Variants in PIP5K1B observed in about 807,000 individuals in gnomAD.
PIP5K1B encodes phosphatidylinositol 4-phosphate 5-kinase type-1 beta.
In PIP5K1B, 42 loss-of-function variants were observed where a neutral mutation model predicts 67.0. The observed-to-expected ratio is 0.63, with a 90% CI of 0.49 to 0.81. PIP5K1B has a LOEUF of 0.81. Among genes scored for constraint, PIP5K1B ranks in the 30% least tolerant of loss-of-function variants. PIP5K1B has a pLI of 0.00. For synonymous variants in PIP5K1B, 214 were observed against 231.4 expected (o/e 0.92, Z 0.68); for missense variants, 459 against 646.3 (o/e 0.71, Z 3.14).
intron 13 of PIP5K1B, among the ~76,000 whole-genome samples, chr9:68,936,435 T>G (rs992228938): frequency 2.0e-5 from 3 of 152,090 alleles, no homozygotes; most frequent in African/African-American, 7.2e-5. Context: ...ATCTGCCAAG[T>G]TAATCATTTG....
intron 5 of PIP5K1B, among the ~76,000 whole-genome samples, chr9:68,864,887 A>C (rs1051368324): frequency 1.3e-5 from 2 of 152,222 alleles, no homozygotes; most frequent in Non-Finnish European, 2.9e-5. Flanking sequence ...ACATAGCTAA[A>C]GTGACACTTT....
chr9:68,924,351 G>A (rs1328349897), intron 12 of PIP5K1B, among the ~76,000 whole-genome samples: 12 of 135,636 alleles, frequency 8.8e-5, no homozygotes, highest in East Asian at 2.3e-4. Flanking sequence ...GCAGTGAGCC[G>A]AGATCATGCC....
At chr9:68,947,524 G>A (rs1443406375) in intron 14 of PIP5K1B, among the ~76,000 whole-genome samples, 1 of 152,210 alleles carries the variant, frequency 6.6e-6, no homozygotes, top group Non-Finnish European at 1.5e-5. Context: ...GCAAAGTAGA[G>A]TTGAGATAGG....
intron 13 of PIP5K1B, among the ~76,000 whole-genome samples, chr9:68,938,413 A>G (rs938707890): frequency 6.6e-6 from 1 of 151,658 alleles, no homozygotes; most frequent in African/African-American, 2.4e-5. Flanking sequence ...AGAGATTAGG[A>G]TTGCAACTCC....
At chr9:68,992,422 C>A in intron 15 of PIP5K1B, among the ~76,000 whole-genome samples, 1 of 152,178 alleles carries the variant, frequency 6.6e-6, no homozygotes, top group Non-Finnish European at 1.5e-5. Flanking sequence ...CAGCAGCTCC[C>A]TGAGCCTCCT....
Position 68,963,580 on chromosome 9 carries a change from C to A in PIP5K1B, c.1502+22790C>A, listed in dbSNP as rs191539457. Among the ~76,000 whole-genome samples the A allele has an allele frequency of 2.5e-3, 381 of 152,078 alleles. 2 individuals are homozygous for A. Among genetic ancestry groups the A allele is most frequent in the Middle Eastern group, 0.017 (5 of 292 alleles). Reference sequence around the variant, plus strand: ...CCATGCAGTTGCATAGGTCACATGACCCTGTAGTCAGCCCTGAAATTATCT... The same window carrying A: ...CCATGCAGTTGCATAGGTCACATGAACCTGTAGTCAGCCCTGAAATTATCT... On this transcript the variant is annotated intron_variant, in intron 14 of 15. Transcript: ENST00000265382.
chr9:68,811,761 T>C (rs1040668940), intron 2 of PIP5K1B, among the ~76,000 whole-genome samples: 1 of 152,212 alleles, frequency 6.6e-6, no homozygotes, highest in Non-Finnish European at 1.5e-5. Flanking sequence ...ATGTATTAAA[T>C]ATCCCCTCTT....
intron 15 of PIP5K1B, among the ~76,000 whole-genome samples, chr9:69,007,180 A>G (rs1347968221): frequency 6.6e-6 from 1 of 152,222 alleles, no homozygotes; most frequent in African/African-American, 2.4e-5. Flanking sequence ...ACAGTGCACA[A>G]TAGTCTCAGA....
chr9:68,872,314 C>T (rs1823664063), intron 5 of PIP5K1B, among the ~76,000 whole-genome samples: 1 of 152,194 alleles, frequency 6.6e-6, no homozygotes, highest in African/African-American at 2.4e-5. Flanking sequence ...TCGTGCTCCC[C>T]TGACAAATAT....
At position 69,008,769 on chromosome 9, in the gene PIP5K1B, G is replaced by A. The variant is rs1831202590; in HGVS notation, c.*320G>A. The A allele has an allele frequency of 3.3e-6, 1 of 301,416 alleles. No individual in the cohort carries two copies. The highest frequency in any genetic ancestry group is 5.8e-5 in the South Asian group (1 of 17,118). 18.7% of individuals were successfully genotyped at this position (301,416 alleles called of 1,614,324 possible). A position where few individuals can be genotyped will look rare whatever the true frequency, so the allele number is the denominator to read the frequency against. ...AAGTGCTATTTTCCTATGGACTTTT[G>A]CATTATTTCATTGTGCATGCATCCA... On this transcript the variant is annotated 3_prime_UTR_variant, in exon 16 of 16. Transcript: ENST00000265382.
chr9:68,854,141 T>C (rs1487882732), intron 4 of PIP5K1B, among the ~76,000 whole-genome samples: 1 of 150,008 alleles, frequency 6.7e-6, no homozygotes, highest in Admixed American at 6.6e-5. Flanking sequence ...TTTTTTTTTT[T>C]TTTTTTTGAG....
chr9:68,813,872 A>G (rs1170762316), intron 2 of PIP5K1B, among the ~76,000 whole-genome samples: 5 of 152,252 alleles, frequency 3.3e-5, no homozygotes. Context: ...TGGCCCTGCC[A>G]GTACTTTATT....
intron 14 of PIP5K1B, among the ~76,000 whole-genome samples, chr9:68,974,168 C>G (rs762521915): frequency 1.1e-4 from 16 of 152,192 alleles, no homozygotes; most frequent in Non-Finnish European, 2.1e-4. Context: ...CCACACCCAG[C>G]CTTCCTCTTC....
chr9:68,980,765 A>G (rs1258512688), intron 14 of PIP5K1B, among the ~76,000 whole-genome samples: 1 of 152,186 alleles, frequency 6.6e-6, no homozygotes, highest in Admixed American at 6.5e-5. Flanking sequence ...TCGCCTGGAT[A>G]TTCTCTGAGG....
At chr9:68,971,260 T>C (rs980366083) in intron 14 of PIP5K1B, among the ~76,000 whole-genome samples, 1 of 152,310 alleles carries the variant, frequency 6.6e-6, no homozygotes, top group African/African-American at 2.4e-5. Context: ...TTTTCTGTTC[T>C]TGTGTTAGTT....
At chr9:68,784,021 T>A (rs982225416) in intron 2 of PIP5K1B, 3 of 167,158 alleles carry the variant, frequency 1.8e-5, no homozygotes, top group African/African-American at 7.2e-5. Context: ...TTCTTTTCCT[T>A]AAATACATCA....
intron 4 of PIP5K1B, among the ~76,000 whole-genome samples, chr9:68,848,831 A>G (rs1433513636): frequency 6.6e-6 from 1 of 152,264 alleles, no homozygotes; most frequent in African/African-American, 2.4e-5. Context: ...GTGTATAACC[A>G]TAAAAAAATG....
chr9:68,963,510 A>G (rs1357041782), intron 14 of PIP5K1B, among the ~76,000 whole-genome samples: 2 of 151,912 alleles, frequency 1.3e-5, no homozygotes, highest in African/African-American at 4.8e-5. Context: ...CTCAGAAAAA[A>G]AAAAAAACAA....
Position 68,742,645 on chromosome 9 carries a change from A to G in PIP5K1B, c.-98A>G, listed in dbSNP as rs1215630827. 1.3e-5 allele frequency: 2 copies of G among 152,124 alleles called. No homozygotes were observed. Among genetic ancestry groups the G allele is most frequent in the Non-Finnish European group, 2.9e-5 (2 of 68,032 alleles). The allele number at this position is 152,124 out of a possible 1,614,324, so 9.4% of individuals were successfully genotyped here. A position where few individuals can be genotyped will look rare whatever the true frequency, so the allele number is the denominator to read the frequency against. On this transcript the variant is annotated 5_prime_UTR_variant, in exon 2 of 16. Coordinates refer to ENST00000265382, the MANE Select transcript of PIP5K1B (RefSeq NM_003558.4). ...CTTCATCTCTAAAGGTCCTTCTAGG[A>G]GAGAGGTGAAAGGTAATTCTTTTGA...
Sources: gnomAD v4.1 joint callset for allele counts (sites outside exome capture counted in the v4.1 genomes callset) on GRCh38, gnomAD v4.1.1 for gene constraint, MANE v1.5 for transcripts, NCBI Gene and HGNC (gene_info 2026-07-23, HGNC 2026-07-21) for gene names.